The following NLRC5 variants were observed in gnomAD, a reference collection of about 807,000 sequenced individuals.
NLRC5 encodes the protein NLR family CARD domain containing 5, also known as protein NLRC5.
A neutral mutation model predicts 206.9 loss-of-function variants in NLRC5; 114 were observed. The observed-to-expected ratio is 0.55, with a 90% CI of 0.47 to 0.64. The LOEUF is 0.64. NLRC5 is among the 30% of genes least tolerant of loss of function. NLRC5 has a pLI of 0.00. For synonymous variants in NLRC5, 952 were observed against 962.8 expected (o/e 0.99, Z 0.21); for missense variants, 2,008 against 2,305.5 (o/e 0.87, Z 2.64).
At position 57,039,847 on chromosome 16, in the gene NLRC5, G is replaced by T. The variant is rs776094483; in HGVS notation, c.2868G>T (p.Glu956Asp). The T allele has an allele frequency of 1.2e-6, 2 of 1,613,776 alleles. No individual in the cohort carries two copies. Among genetic ancestry groups the T allele is most frequent in the South Asian group, 2.2e-5 (2 of 91,084 alleles). The change falls in exon 16 of 49, where the codon GAG (glutamate) becomes GAT (aspartate). Residue 956 changes from glutamate (E) to aspartate (D), a missense_variant and splice_region_variant. Glu to Asp is a conservative substitution (Grantham distance 45). Coordinates refer to ENST00000688547, the MANE Select transcript of NLRC5 (RefSeq NM_001384950.1). ...CAGAGGAGCAGAAGGGGCCCCAGGA[G>T]AGGTAGGGCCCGATTTCACCCCAAC... ...QEPEEQKGPQERAAFLDSLML... is the reference protein window; with the variant it reads ...QEPEEQKGPQDRAAFLDSLML...
chr16:56,997,976 G>A (rs144451414), intron 1 of NLRC5, among the ~76,000 whole-genome samples: 321 of 152,204 alleles, frequency 2.1e-3, no homozygotes, highest in African/African-American at 7.4e-3. Context: ...ATGGCCCAAA[G>A]GGAGCTGGGA....
Position 57,023,039 on chromosome 16 carries a change from A to G in NLRC5, c.355+724A>G, listed in dbSNP as rs565366891. On this transcript the variant is annotated intron_variant, in intron 4 of 48. Transcript: ENST00000688547. The stretch of plus-strand genomic sequence containing the variant: ...GTCCCTTTTTAATATAGGATTTGTT[A>G]AGATATTGAAGTGCTCTCGAACTGG... Among the ~76,000 whole-genome samples, 8 of 152,300 alleles carry G rather than the reference A, an allele frequency of 5.3e-5. No homozygotes were observed. The South Asian group carries it at 1.7e-3, about 32-fold the overall frequency.
chr16:57,001,546 G>A lies in NLRC5; in HGVS notation c.-128+11929G>A, dbSNP rs76205317. Among the ~76,000 whole-genome samples the A allele has an allele frequency of 0.01, 1,591 of 152,314 alleles. 67 individuals carry two copies. In the East Asian group the frequency reaches 0.1, roughly 10 times the overall value. On this transcript the variant is annotated intron_variant, in intron 1 of 48. Transcript: ENST00000688547. ...GGCTGGAGAGACGGAAGAAGCGATA[G>A]CAACGACAACCACACTAGTGGTAAT...
chr16:57,053,757 G>A (rs995028966), intron 24 of NLRC5, among the ~76,000 whole-genome samples: 7 of 152,124 alleles, frequency 4.6e-5, no homozygotes, highest in South Asian at 2.1e-4. Flanking sequence ...TCAAACTCCC[G>A]ACCTCAAGTG....
At chr16:57,022,165 A>T in intron 3 of NLRC5, 91 bp from the exon 4 acceptor site, 1 of 1,000,540 alleles carries the variant, frequency 1.0e-6, no homozygotes, top group Non-Finnish European at 1.5e-6. Flanking sequence ...TCTCCCTGTG[A>T]GATGAGCCCT....
intron 2 of NLRC5, among the ~76,000 whole-genome samples, chr16:57,018,798 G>A (rs941775731): frequency 6.6e-6 from 1 of 152,308 alleles, no homozygotes; most frequent in East Asian, 1.9e-4. Flanking sequence ...CTATGAGGAA[G>A]GACATAGTAC....
At chr16:57,058,219 G>T in intron 28 of NLRC5, 71 bp downstream of exon 28, 2 of 1,328,078 alleles carry the variant, frequency 1.5e-6, no homozygotes, top group Non-Finnish European at 2.1e-6. Context: ...CATGATGGGG[G>T]CTCCTTCTGA....
rs2061311655 is a variant in NLRC5 at position 57,026,850 on chromosome 16, C to A, written c.1907C>A (p.Pro636His). 6.2e-7 allele frequency: 1 copy of A among 1,614,082 alleles called. No individual in the cohort carries two copies. Among genetic ancestry groups the A allele is most frequent in the Non-Finnish European group, 8.5e-7 (1 of 1,180,046 alleles). ...ELASLTAQSL[P>H]YQLPFHNFPL... ...GCCAGTCTCACCGCACAAAGCCTCC[C>A]CTATCAACTGCCCTTCCACAATTTC... The change falls in exon 6 of 49, where the codon CCC becomes CAC. Residue 636 changes from proline to histidine, a missense_variant. Transcript: ENST00000688547.
chr16:57,043,648 C>G, intron 20 of NLRC5, 44 bp downstream of exon 20: 1 of 1,498,452 alleles, frequency 6.7e-7, no homozygotes, highest in Non-Finnish European at 9.3e-7. Context: ...TGTCCCCCAT[C>G]CCACAGGTCA....
intron 13 of NLRC5, 133 bp downstream of exon 13, chr16:57,034,384 A>G: frequency 3.0e-6 from 2 of 673,506 alleles, no homozygotes; most frequent in Admixed American, 2.3e-5. Flanking sequence ...GAATCAGATC[A>G]TTGTAACAGC....
rs1417756642 is a variant in NLRC5 at position 57,025,459 on chromosome 16, C to T, written c.516C>T (p.Phe172=). 1 of 1,611,202 alleles carries T rather than the reference C, an allele frequency of 6.2e-7. No individual in the cohort carries two copies. The highest frequency in any genetic ancestry group is 8.5e-7 in the Non-Finnish European group (1 of 1,178,348). ...QIPGSGQPHA[F]HQVYVPPILR... The stretch of plus-strand genomic sequence containing the variant: ...CTGGGTCAGGGCAGCCCCACGCCTT[C>T]CACCAGGTCTATGTCCCTCCAATCC... Residue 172 remains phenylalanine (F), a synonymous_variant, in exon 6 of 49, where the codon TTC becomes TTT. Coordinates refer to ENST00000688547, the MANE Select transcript of NLRC5 (RefSeq NM_001384950.1).
chr16:57,043,592 G>T lies in NLRC5; in HGVS notation c.3191G>T (p.Arg1064Leu), dbSNP rs200058267. The T allele has an allele frequency of 3.1e-6, 5 of 1,613,888 alleles. No individual in the cohort carries two copies. In the African/African-American group the frequency reaches 4.0e-5, roughly 13 times the overall value. The change falls in exon 20 of 49, where the codon CGC (arginine) becomes CTC (leucine). Residue 1064 changes from arginine to leucine, a missense_variant. Transcript: ENST00000688547. ...RCFSTLQWLF[R>L]LDISFESQHI... Reference sequence around the variant, plus strand: ...TTCTCCACTCTGCAGTGGCTCTTCCGCTTGGACATCAGGTGAGCGTGCCTC... The same window carrying T: ...TTCTCCACTCTGCAGTGGCTCTTCCTCTTGGACATCAGGTGAGCGTGCCTC...
At chr16:57,000,407 C>T (rs1016155942) in intron 1 of NLRC5, among the ~76,000 whole-genome samples, 2 of 152,156 alleles carry the variant, frequency 1.3e-5, no homozygotes, top group Admixed American at 1.3e-4. Flanking sequence ...ACCCAGATTG[C>T]TGGGTTTCCA....
Position 57,051,629 on chromosome 16 carries a change from G to C in NLRC5, c.3506+8G>C. On this transcript the variant is annotated splice_region_variant and intron_variant, in intron 24 of 48. Coordinates refer to ENST00000688547, the MANE Select transcript of NLRC5 (RefSeq NM_001384950.1). ...TCAGCTGAGCCTGCTGCAGTAAGAC[G>C]AGAGTTTTTCCTATTTCCCGGTTCC... 7.4e-6 allele frequency: 12 copies of C among 1,610,798 alleles called. No individual in the cohort carries two copies. Among genetic ancestry groups the C allele is most frequent in the Middle Eastern group, 1.7e-4 (1 of 6,058 alleles).
At chr16:57,077,664 G>C in intron 41 of NLRC5, 55 bp from the exon 42 acceptor site, 2 of 1,504,170 alleles carry the variant, frequency 1.3e-6, no homozygotes. Context: ...CAGATGTGCT[G>C]GGGTGTCGGG....
intron 1 of NLRC5, among the ~76,000 whole-genome samples, chr16:57,015,539 C>T (rs986729712): frequency 4.6e-5 from 7 of 151,914 alleles, no homozygotes; most frequent in African/African-American, 1.7e-4. Context: ...ATCACATGAA[C>T]CTAGGAGTTT....
intron 10 of NLRC5, among the ~76,000 whole-genome samples, chr16:57,030,354 GGCTGAAAAGATGGATGGGTGGATGAAAA>G (rs2061666422): frequency 1.6e-5 from 2 of 122,876 alleles, no homozygotes; most frequent in East Asian, 3.5e-4. Flanking sequence ...ATGAATGGAT[GGCTGAAAAGATGGATGGGTGGATGAAAA>G]GATGGATGGA....
In NLRC5 at chr16:57,067,720, C is replaced by A; in HGVS notation, c.4407-16C>A. 1 of 1,611,288 alleles carries A rather than the reference C, an allele frequency of 6.2e-7. No individual in the cohort carries two copies. Among genetic ancestry groups the A allele is most frequent in the South Asian group, 1.1e-5 (1 of 91,036 alleles). On this transcript the variant is annotated splice_polypyrimidine_tract_variant and intron_variant, in intron 35 of 48. Transcript: ENST00000688547. Reference sequence around the variant, plus strand: ...TCCAGCCTGAAATCCTCTAGAATATCCTTGGACCTTTTCAGCTTGTCTCAG... The same window carrying A: ...TCCAGCCTGAAATCCTCTAGAATATACTTGGACCTTTTCAGCTTGTCTCAG...
chr16:57,026,154 C>G lies in NLRC5; in HGVS notation c.1211C>G (p.Ala404Gly). Residue 404 changes from alanine (A) to glycine (G), a missense_variant, in exon 6 of 49, where the codon GCG (alanine) becomes GGG (glycine). Ala to Gly is a moderately conservative substitution (Grantham distance 60). Coordinates refer to ENST00000688547, the MANE Select transcript of NLRC5 (RefSeq NM_001384950.1). ...QTNGRLRSLC[A>G]VPALCQVACL... is the part of the protein sequence containing the mutation. The stretch of plus-strand genomic sequence containing the variant: ...AATGGACGTCTCCGAAGCCTGTGTG[C>G]GGTGCCCGCACTGTGCCAAGTCGCC... 2 of 1,613,932 alleles carry G rather than the reference C, an allele frequency of 1.2e-6. No individual in the cohort carries two copies. The highest frequency in any genetic ancestry group is 1.7e-6 in the Non-Finnish European group (2 of 1,180,032).
Sources: allele counts gnomAD v4.1 joint callset (sites outside exome capture counted in the v4.1 genomes callset), GRCh38; gene constraint gnomAD v4.1.1; transcripts MANE v1.5; gene names NCBI Gene and HGNC (gene_info 2026-07-23, HGNC 2026-07-21).